Variants in EPHA3 observed in about 807,000 individuals in gnomAD.
The protein encoded by EPHA3 is ephrin type-A receptor 3.
Under a neutral mutation model 107.1 loss-of-function variants are expected in EPHA3, and 42 were observed. The observed-to-expected ratio is 0.39, with a 90% CI of 0.31 to 0.51. EPHA3 has a LOEUF of 0.51. Ranked by LOEUF, EPHA3 falls within the 20% of genes least tolerant of loss-of-function variation. The pLI is 0.78. For missense variants in EPHA3, 1,183 were observed against 1,211.2 expected (o/e 0.98, Z 0.35); for synonymous variants, 461 against 424.8 (o/e 1.09, Z -1.05).
At chr3:89,466,737 C>T (rs1330011063) in intron 15 of EPHA3, among the ~76,000 whole-genome samples, 1 of 136,168 alleles carries the variant, frequency 7.3e-6, no homozygotes, top group Non-Finnish European at 1.6e-5. Context: ...GTCTGGCACT[C>T]CCTAGTGAGA....
intron 3 of EPHA3, among the ~76,000 whole-genome samples, chr3:89,292,213 C>A (rs532962709): frequency 6.6e-6 from 1 of 151,980 alleles, no homozygotes; most frequent in African/African-American, 2.4e-5. Flanking sequence ...ATTCAACCAA[C>A]CATGAATCAA....
At chr3:89,151,318 A>C (rs1469982076) in intron 2 of EPHA3, among the ~76,000 whole-genome samples, 1 of 152,096 alleles carries the variant, frequency 6.6e-6, no homozygotes, top group Admixed American at 6.6e-5. Flanking sequence ...TTATACTGGC[A>C]TTCTACTCAG....
At chr3:89,412,775 T>C (rs1047774545) in intron 9 of EPHA3, among the ~76,000 whole-genome samples, 5 of 151,826 alleles carry the variant, frequency 3.3e-5, no homozygotes, top group African/African-American at 9.7e-5. Flanking sequence ...TAATCATAAA[T>C]ATGCAATAGC....
intron 2 of EPHA3, among the ~76,000 whole-genome samples, chr3:89,160,550 G>C (rs1408361435): frequency 4.7e-5 from 1 of 21,490 alleles, no homozygotes; most frequent in African/African-American, 1.3e-4. Context: ...ATTAGATTTT[G>C]TGTGTGTGTG....
rs1707512725 is a variant in EPHA3 at position 89,341,165 on chromosome 3, T to C, written c.970+94T>C. ...TTTTTGTTTTAAAGCATTTGGCCCATTTCCTTCTGTTGCCCGTGTGCAAAT... is the reference window on the plus strand; with the variant it reads ...TTTTTGTTTTAAAGCATTTGGCCCACTTCCTTCTGTTGCCCGTGTGCAAAT... On this transcript the variant is annotated intron_variant, in intron 4 of 16. Transcript: ENST00000336596. 4 of 1,313,658 alleles carry C rather than the reference T, an allele frequency of 3.0e-6. No homozygotes were observed. In the South Asian group the frequency reaches 5.9e-5, roughly 20 times the overall value. The allele number at this position is 1,313,658 out of a possible 1,614,324, so 81.4% of individuals were successfully genotyped here.
At chr3:89,113,739 G>C (rs749208235) in intron 1 of EPHA3, among the ~76,000 whole-genome samples, 25 of 45,608 alleles carry the variant, frequency 5.5e-4, no homozygotes, top group Admixed American at 4.1e-3. Flanking sequence ...GGGTTGAGGT[G>C]GGGGGGGGCT....
chr3:89,370,299 C>A (rs1257594004), intron 5 of EPHA3, among the ~76,000 whole-genome samples: 2 of 151,688 alleles, frequency 1.3e-5, no homozygotes, highest in African/African-American at 4.8e-5. Flanking sequence ...AAATGTGGCA[C>A]ATATACACCA....
At chr3:89,282,611 C>T (rs1705974993) in intron 3 of EPHA3, among the ~76,000 whole-genome samples, 1 of 151,968 alleles carries the variant, frequency 6.6e-6, no homozygotes, top group African/African-American at 2.4e-5. Flanking sequence ...TGATTGCATA[C>T]CATGTTTTCC....
chr3:89,225,559 T>C (rs1212270239), intron 3 of EPHA3, among the ~76,000 whole-genome samples: 1 of 152,156 alleles, frequency 6.6e-6, no homozygotes. Context: ...TTGCATTTTT[T>C]CCCCAAATAA....
chr3:89,378,381 G>A (rs947896220), intron 5 of EPHA3, among the ~76,000 whole-genome samples: 1 of 151,954 alleles, frequency 6.6e-6, no homozygotes, highest in African/African-American at 2.4e-5. Context: ...CCAGAAATCA[G>A]TTTTACAATG....
chr3:89,330,926 C>T (rs1576315795), intron 3 of EPHA3, among the ~76,000 whole-genome samples: 1 of 152,024 alleles, frequency 6.6e-6, no homozygotes, highest in East Asian at 1.9e-4. Flanking sequence ...TATAAATTTC[C>T]TCCATGTTGC....
chr3:89,111,889 C>A (rs551981597), intron 1 of EPHA3, among the ~76,000 whole-genome samples: 10 of 152,118 alleles, frequency 6.6e-5, no homozygotes, highest in African/African-American at 2.4e-4. Context: ...ATTATAAACT[C>A]TTTTAGATAT....
chr3:89,269,099 A>C (rs1705602121), intron 3 of EPHA3, among the ~76,000 whole-genome samples: 2 of 152,168 alleles, frequency 1.3e-5, no homozygotes, highest in Admixed American at 1.3e-4. Context: ...TTGTAAATCT[A>C]CTGACCAATA....
intron 3 of EPHA3, among the ~76,000 whole-genome samples, chr3:89,314,458 T>A (rs1170829036): frequency 2.0e-5 from 3 of 151,986 alleles, no homozygotes; most frequent in Non-Finnish European, 4.4e-5. Context: ...CAATCTATAC[T>A]GTATTAATCA....
At chr3:89,287,863 T>C (rs1053460259) in intron 3 of EPHA3, among the ~76,000 whole-genome samples, 6 of 152,102 alleles carry the variant, frequency 3.9e-5, no homozygotes, top group Non-Finnish European at 7.4e-5. Flanking sequence ...TGGTATGACA[T>C]TGACCTTGTG....
intron 2 of EPHA3, among the ~76,000 whole-genome samples, chr3:89,192,439 T>C (rs1705742183): frequency 6.6e-6 from 1 of 151,768 alleles, no homozygotes; most frequent in African/African-American, 2.4e-5. Context: ...TAAATATAAA[T>C]AAAAGGTAAA....
chr3:89,350,012 G>T (rs1204754355), intron 5 of EPHA3, among the ~76,000 whole-genome samples: 1 of 150,334 alleles, frequency 6.7e-6, no homozygotes, highest in African/African-American at 2.4e-5. Flanking sequence ...GCTTCCCTTT[G>T]AGGGTAACCT....
At chr3:89,322,215 AT>A (rs2107381656) in intron 3 of EPHA3, among the ~76,000 whole-genome samples, 1 of 152,188 alleles carries the variant, frequency 6.6e-6, no homozygotes, top group African/African-American at 2.4e-5. Flanking sequence ...TTATTCAAGT[AT>A]CCATTGAGTC....
intron 2 of EPHA3, 86 bp from the exon 3 acceptor site, chr3:89,209,774 A>T (rs1259132333): frequency 8.8e-7 from 1 of 1,135,604 alleles, no homozygotes; most frequent in Admixed American, 2.9e-5. Context: ...ATGATTTATT[A>T]TATAGAGATG....
Sources: gnomAD v4.1 joint callset for allele counts (sites outside exome capture counted in the v4.1 genomes callset) on GRCh38, gnomAD v4.1.1 for gene constraint, MANE v1.5 for transcripts, NCBI Gene and HGNC (gene_info 2026-07-23, HGNC 2026-07-21) for gene names.